NQO2: variants seen among roughly 807,000 people sequenced by gnomAD.
NQO2 encodes the protein N-ribosyldihydronicotinamide:quinone dehydrogenase 2.
In NQO2, 18 loss-of-function variants were observed where a neutral mutation model predicts 22.0. The ratio of observed to expected loss-of-function variants is 0.82; its 90% CI spans 0.56 to 1.21. NQO2 has a LOEUF of 1.21. NQO2 is among the 50% of genes most tolerant of loss of function. NQO2 has a pLI of 0.00. For synonymous variants in NQO2, 106 were observed against 110.8 expected (o/e 0.96, Z 0.28); for missense variants, 267 against 286.9 (o/e 0.93, Z 0.50).
At chr6:3,017,283 A>C (rs190276197) in intron 6 of NQO2, among the ~76,000 whole-genome samples, 37 of 152,340 alleles carry the variant, frequency 2.4e-4, no homozygotes, top group Admixed American at 1.4e-3. Context: ...AGCTAAGCCA[A>C]ACCTGCTTAG....
chr6:3,003,170 C>G (rs895238830), intron 1 of NQO2, among the ~76,000 whole-genome samples: 2 of 152,234 alleles, frequency 1.3e-5, no homozygotes, highest in African/African-American at 4.8e-5. Context: ...TCACTCTCCT[C>G]TCTTTTTCCT....
At chr6:3,004,154 C>T (rs549115436) in intron 1 of NQO2, 69 of 207,714 alleles carry the variant, frequency 3.3e-4, no homozygotes, top group Non-Finnish European at 4.8e-4. Flanking sequence ...TTCTTGGAAG[C>T]CCCGCCTGTG....
intron 5 of NQO2, among the ~76,000 whole-genome samples, chr6:3,016,172 T>A (rs1388187425): frequency 6.6e-6 from 1 of 152,200 alleles, no homozygotes. Context: ...GGCTCACGCC[T>A]GTAATCCCAG....
chr6:3,017,307 A>G (rs1281690287), intron 6 of NQO2, among the ~76,000 whole-genome samples: 2 of 152,198 alleles, frequency 1.3e-5, no homozygotes, highest in South Asian at 2.1e-4. Flanking sequence ...GGTCAGCAGA[A>G]TGGCCCCAAG....
chr6:3,001,394 G>T (rs1756714099), intron 1 of NQO2, among the ~76,000 whole-genome samples: 2 of 152,138 alleles, frequency 1.3e-5, no homozygotes, highest in Non-Finnish European at 2.9e-5. Context: ...CCAAAAATCA[G>T]CTTCTTTAAC....
At chr6:3,007,087 A>G (rs192591924) in intron 2 of NQO2, among the ~76,000 whole-genome samples, 82 of 152,304 alleles carry the variant, frequency 5.4e-4, no homozygotes, top group Non-Finnish European at 1.0e-3. Flanking sequence ...CTTACTCTAT[A>G]CATTATGGTG....
chr6:3,016,678 T>C (rs1757338032), intron 5 of NQO2: 1 of 876,006 alleles, frequency 1.1e-6, no homozygotes, highest in Non-Finnish European at 1.4e-6. Flanking sequence ...CTTCTGTGTC[T>C]GCTTGGTCCA....
At chr6:3,012,814 A>C in intron 4 of NQO2, 140 bp downstream of exon 4, 1 of 814,070 alleles carries the variant, frequency 1.2e-6, no homozygotes, top group Non-Finnish European at 1.9e-6. Flanking sequence ...AAATATTGTA[A>C]CCTGGTTACA....
chr6:3,012,769 TC>T, intron 4 of NQO2, 95 bp downstream of exon 4: 2 of 1,327,804 alleles, frequency 1.5e-6, no homozygotes, highest in Non-Finnish European at 2.1e-6. Flanking sequence ...GGAAGTGGCA[TC>T]AATGTTTTGA....
At chr6:3,008,755 T>C (rs146349895) in intron 2 of NQO2, among the ~76,000 whole-genome samples, 5,666 of 152,212 alleles carry the variant, frequency 0.037, 120 homozygotes, top group African/African-American at 0.055. Flanking sequence ...GAGAGAAATT[T>C]TAAAGCTGGG....
At position 3,006,332 on chromosome 6, in the gene NQO2, T is replaced by C; in HGVS notation, c.-85-136T>C. On this transcript the variant is annotated intron_variant, in intron 1 of 6. Transcript: ENST00000380455. The surrounding 1 kb of genome is among the most constrained non-coding windows in gnomAD (Gnocchi z 4.0). Reference sequence around the variant, plus strand: ...CTCTGAGGCCTAAATCTCCAGAAGATTCCTGGCCTCTCTTGAGAGGTCTTT... The same window carrying C: ...CTCTGAGGCCTAAATCTCCAGAAGACTCCTGGCCTCTCTTGAGAGGTCTTT... 1 of 1,371,134 alleles carries C rather than the reference T, an allele frequency of 7.3e-7. No individual in the cohort carries two copies. The highest frequency in any genetic ancestry group is 9.4e-7 in the Non-Finnish European group (1 of 1,059,324). 84.9% of individuals were successfully genotyped at this position (1,371,134 alleles called of 1,614,324 possible). A position where few individuals can be genotyped will look rare whatever the true frequency, so the allele number is the denominator to read the frequency against.
intron 4 of NQO2, chr6:3,015,061 C>G: frequency 7.8e-7 from 1 of 1,275,412 alleles, no homozygotes; most frequent in Admixed American, 2.3e-5. Context: ...GAGATCTTAG[C>G]GCTGGTCTAA....
intron 4 of NQO2, among the ~76,000 whole-genome samples, chr6:3,013,110 C>T (rs1033066147): frequency 7.9e-5 from 12 of 151,796 alleles, no homozygotes; most frequent in African/African-American, 2.7e-4. Context: ...CGCCCGCCAC[C>T]ACGCCCGGCT....
intron 1 of NQO2, among the ~76,000 whole-genome samples, chr6:3,001,165 C>G (rs1561708358): frequency 6.7e-6 from 1 of 149,746 alleles, no homozygotes; most frequent in East Asian, 2.0e-4. Context: ...TCTCAGCTCA[C>G]TGCAACCTCT....
In NQO2 at chr6:3,006,146, G is replaced by A. The variant is rs1756943397; in HGVS notation, c.-85-322G>A. ...CCCCCAGCCTTCTGCTCGATCTACG[G>A]GGAAAACTGGGGAAGGCAGGAAGGC... On this transcript the variant is annotated intron_variant, in intron 1 of 6. Coordinates refer to ENST00000380455, the MANE Select transcript of NQO2 (RefSeq NM_000904.6). This position sits in a 1 kb window ranked among gnomAD's most constrained non-coding sequence, Gnocchi z 4.0. Among the ~76,000 whole-genome samples the A allele has an allele frequency of 6.6e-6, 1 of 152,210 alleles. No homozygotes were observed. The highest frequency in any genetic ancestry group is 2.4e-5 in the African/African-American group (1 of 41,450).
chr6:3,019,300 T>A, intron 6 of NQO2, 179 bp from the exon 7 acceptor site: 2 of 959,870 alleles, frequency 2.1e-6, no homozygotes, highest in Non-Finnish European at 2.5e-6. Context: ...ACGGCTCTTA[T>A]GCAAGGCTGT....
chr6:3,009,835 C>G, intron 2 of NQO2, 190 bp from the exon 3 acceptor site: 2 of 727,762 alleles, frequency 2.7e-6, no homozygotes, highest in African/African-American at 1.9e-5. Flanking sequence ...CCACTGCATT[C>G]CAGCCTGGGT....
rs186534444 is a variant in NQO2, at chr6:3,017,561, T to C, written c.519+576T>C. On this transcript the variant is annotated intron_variant, in intron 6 of 6. Coordinates refer to ENST00000380455, the MANE Select transcript of NQO2 (RefSeq NM_000904.6). Reference sequence around the variant, plus strand: ...CCCAGGCCTGCTTCCCCAGGGGACCTCTTGGTGCCTGCGTGAGTGTCCCTG... The same window carrying C: ...CCCAGGCCTGCTTCCCCAGGGGACCCCTTGGTGCCTGCGTGAGTGTCCCTG... Among the ~76,000 whole-genome samples, 6 of 152,298 alleles carry C rather than the reference T, an allele frequency of 3.9e-5. No homozygotes were observed. The East Asian group carries it at 1.2e-3, about 29-fold the overall frequency.
In NQO2 at chr6:3,009,164, G is replaced by A. The variant is rs952777789; in HGVS notation, c.8-861G>A. ...AGCTGGACCATAAAAGACAGCTGCC[G>A]CCCCGAAGCGGCCATTTCAGAGGCC... On this transcript the variant is annotated intron_variant, in intron 2 of 6. Transcript: ENST00000380455. Among the ~76,000 whole-genome samples the A allele has an allele frequency of 5.9e-5, 9 of 152,260 alleles. No individual in the cohort carries two copies. The South Asian group carries it at 6.2e-4, about 11-fold the overall frequency.
Sources: allele counts gnomAD v4.1 joint callset (sites outside exome capture counted in the v4.1 genomes callset), GRCh38; gene constraint gnomAD v4.1.1; non-coding constraint Gnocchi (gnomAD v3.1); transcripts MANE v1.5; gene names NCBI Gene and HGNC (gene_info 2026-07-23, HGNC 2026-07-21).